The following SIPA1L2 variants were observed in gnomAD, a reference collection of about 807,000 sequenced individuals.
The protein encoded by SIPA1L2 is signal induced proliferation associated 1 like 2, also known as signal-induced proliferation-associated 1-like protein 2.
A neutral mutation model predicts 163.9 loss-of-function variants in SIPA1L2; 56 were observed. The observed-to-expected ratio is 0.34, with a 90% CI of 0.28 to 0.43. The LOEUF is 0.43. SIPA1L2 is among the 20% of genes least tolerant of loss of function. The probability of loss-of-function intolerance (pLI) is 1.00; values close to 1 mark genes in which losing one functional copy is unlikely to be tolerated. For missense variants in SIPA1L2, 1,974 were observed against 2,193.5 expected, an observed-to-expected ratio of 0.90 and a Z score of 2.00; for synonymous variants, 877 against 865.7, an observed-to-expected ratio of 1.01 and a Z score of -0.23.
intron 2 of SIPA1L2, among the ~76,000 whole-genome samples, chr1:232,521,838 T>C (rs1667472240): frequency 6.6e-6 from 1 of 152,222 alleles, no homozygotes; most frequent in Non-Finnish European, 1.5e-5. Flanking sequence ...CATTCCCTTG[T>C]GCCAACCTCA....
In SIPA1L2 at chr1:232,514,300, G is replaced by A. The variant is rs368216962; in HGVS notation, c.1040C>T (p.Thr347Met). ...ILFNINEAMATRANVGKRKNI... is the reference protein window; with the variant it reads ...ILFNINEAMAMRANVGKRKNI... ...TTTCCTTTTCCCCACATTAGCCCTCGTAGCCATGGCTTCGTTGATATTAAA... is the reference window on the plus strand; with the variant it reads ...TTTCCTTTTCCCCACATTAGCCCTCATAGCCATGGCTTCGTTGATATTAAA... Residue 347 changes from threonine (T) to methionine (M), a missense_variant, in exon 3 of 23, where the codon ACG becomes ATG. By Grantham distance (81) the Thr-to-Met change is moderately conservative (BLOSUM62 -1). This residue lies in a region of SIPA1L2 where 607 missense variants were observed against 624.0 expected (regional missense o/e 0.97). Coordinates refer to ENST00000674635, the MANE Select transcript of SIPA1L2 (RefSeq NM_020808.5). The A allele has an allele frequency of 2.7e-5, 43 of 1,613,580 alleles. No individual in the cohort carries two copies. The highest frequency in any genetic ancestry group is 3.3e-5 in the Non-Finnish European group (39 of 1,180,020).
intron 1 of SIPA1L2, among the ~76,000 whole-genome samples, chr1:232,624,261 T>C (rs1662962917): frequency 6.6e-6 from 1 of 152,212 alleles, no homozygotes; most frequent in African/African-American, 2.4e-5. Context: ...TTTAAACACC[T>C]GAAACAGGTA....
At chr1:232,490,814 A>G (rs1043975389) in intron 5 of SIPA1L2, 60 bp downstream of exon 5, 5 of 1,520,448 alleles carry the variant, frequency 3.3e-6, no homozygotes, top group Non-Finnish European at 4.4e-6. Context: ...GGAAAACTCC[A>G]AAACTTTCAG....
intron 8 of SIPA1L2, among the ~76,000 whole-genome samples, chr1:232,468,584 A>G (rs529825429): frequency 2.0e-5 from 3 of 152,344 alleles, no homozygotes; most frequent in Admixed American, 6.5e-5. Context: ...AGCTTTTATT[A>G]CCCAAATTGT....
chr1:232,629,583 G>C (rs543147106), intron 1 of SIPA1L2, among the ~76,000 whole-genome samples: 5 of 152,330 alleles, frequency 3.3e-5, no homozygotes, highest in Admixed American at 2.0e-4. Flanking sequence ...CAGTGCCTGT[G>C]TCGCCGAGAC....
chr1:232,481,357 G>T (rs574412160), intron 6 of SIPA1L2, among the ~76,000 whole-genome samples: 3 of 152,052 alleles, frequency 2.0e-5, no homozygotes, highest in Admixed American at 1.3e-4. Flanking sequence ...TATGTTCAAT[G>T]ACACCCATCA....
rs200500278 is a variant in SIPA1L2, at chr1:232,404,138, G to A, written c.4803C>T (p.His1601=). The A allele has an allele frequency of 1.8e-5, 29 of 1,614,032 alleles. No homozygotes were observed. The highest frequency in any genetic ancestry group is 2.7e-5 in the African/African-American group (2 of 74,904). Residue 1601 remains histidine (H), a synonymous_variant, in exon 20 of 23, where the codon CAC becomes CAT. Transcript: ENST00000674635. ...CCAGACAATCACCTAGATAGGACGT[G>A]TGGTGACAGAGCAGCCCCAGTTCTT... ...SDEELGLLCH[H]TSYLDQRVAS...
rs369362237 is a variant in SIPA1L2 at position 232,441,168 on chromosome 1, C to A, written c.3642+123G>T. The A allele has an allele frequency of 9.9e-5, 69 of 699,346 alleles. 5 individuals carry two copies. The highest frequency in any genetic ancestry group is 6.6e-4 in the Admixed American group (22 of 33,144). 43.3% of individuals were successfully genotyped at this position (699,346 alleles called of 1,614,324 possible). ...AAGATAGTTTCCTTTTTTAACCTCA[C>A]CTCTAAGAGCCCTGTGAGGTAATGT... On this transcript the variant is annotated intron_variant, in intron 14 of 22. Coordinates refer to ENST00000674635, the MANE Select transcript of SIPA1L2 (RefSeq NM_020808.5).
intron 1 of SIPA1L2, among the ~76,000 whole-genome samples, chr1:232,615,932 T>C (rs1662476591): frequency 6.6e-6 from 1 of 152,228 alleles, no homozygotes; most frequent in Non-Finnish European, 1.5e-5. Flanking sequence ...AATAAATAGC[T>C]GACGAATGAA....
chr1:232,454,334 T>TA, intron 10 of SIPA1L2, among the ~76,000 whole-genome samples: 1 of 152,166 alleles, frequency 6.6e-6, no homozygotes. Flanking sequence ...ATCTGGCACT[T>TA]ACTAATTCAT....
chr1:232,553,544 T>C (rs1658526352), intron 2 of SIPA1L2, among the ~76,000 whole-genome samples: 2 of 152,148 alleles, frequency 1.3e-5, no homozygotes, highest in Admixed American at 1.3e-4. Context: ...TCCATATCAC[T>C]ATGTGACACG....
At chr1:232,538,327 C>T (rs953603820) in intron 2 of SIPA1L2, among the ~76,000 whole-genome samples, 1 of 152,120 alleles carries the variant, frequency 6.6e-6, no homozygotes, top group African/African-American at 2.4e-5. Context: ...GGTCTCCTAA[C>T]CCTACAAACA....
chr1:232,612,498 G>T (rs754460853), intron 1 of SIPA1L2, among the ~76,000 whole-genome samples: 1 of 152,200 alleles, frequency 6.6e-6, no homozygotes, highest in Non-Finnish European at 1.5e-5. Flanking sequence ...CCCACCTCTT[G>T]CATCAGCATG....
At chr1:232,467,952 C>T (rs1664608953) in intron 8 of SIPA1L2, among the ~76,000 whole-genome samples, 1 of 152,196 alleles carries the variant, frequency 6.6e-6, no homozygotes, top group Non-Finnish European at 1.5e-5. Flanking sequence ...ACCCTAATAT[C>T]TAATTGCAGA....
intron 2 of SIPA1L2, among the ~76,000 whole-genome samples, chr1:232,522,170 C>G (rs2103062401): frequency 6.6e-6 from 1 of 152,250 alleles, no homozygotes; most frequent in Non-Finnish European, 1.5e-5. Context: ...TCATAGTTCT[C>G]CTAGATTATA....
At chr1:232,430,703 C>T (rs1209171542) in intron 16 of SIPA1L2, among the ~76,000 whole-genome samples, 1 of 152,202 alleles carries the variant, frequency 6.6e-6, no homozygotes, top group African/African-American at 2.4e-5. Flanking sequence ...TGACCAGGAG[C>T]CCTGGTCTCG....
Position 232,514,650 on chromosome 1 carries a change from G to A in SIPA1L2, c.690C>T (p.Phe230=). 6.2e-7 allele frequency: 1 copy of A among 1,614,168 alleles called. No individual in the cohort carries two copies. The change falls in exon 3 of 23, where the codon TTC becomes TTT. Residue 230 remains phenylalanine (F), a synonymous_variant. Coordinates refer to ENST00000674635, the MANE Select transcript of SIPA1L2 (RefSeq NM_020808.5). ...CAGGGTCACAGCGGAAAAATTCAGGGAACCCAAAAGGGACCATTGCTTTGT... is the reference window on the plus strand; with the variant it reads ...CAGGGTCACAGCGGAAAAATTCAGGAAACCCAAAAGGGACCATTGCTTTGT... ...YDHKAMVPFG[F]PEFFRCDPAI... is the part of the protein sequence containing the mutation.
At chr1:232,558,186 C>T (rs1025144110) in intron 2 of SIPA1L2, among the ~76,000 whole-genome samples, 2 of 152,174 alleles carry the variant, frequency 1.3e-5, no homozygotes, top group African/African-American at 2.4e-5. Flanking sequence ...CAAGAAGCCT[C>T]GAGGTAAGAT....
rs371253535 is a variant in SIPA1L2 at position 232,581,703 on chromosome 1, C to T, written c.-318-7481G>A. Among the ~76,000 whole-genome samples, 93 of 152,264 alleles carry T rather than the reference C, an allele frequency of 6.1e-4. No individual in the cohort carries two copies. The South Asian group carries it at 8.1e-3, about 13-fold the overall frequency. Reference sequence around the variant, plus strand: ...TTCCTTAATATGGCCCAAGTACCTTCGTAACTCAACTTCCCTACCTGACAG... The same window carrying T: ...TTCCTTAATATGGCCCAAGTACCTTTGTAACTCAACTTCCCTACCTGACAG... On this transcript the variant is annotated intron_variant, in intron 1 of 22. Coordinates refer to ENST00000674635, the MANE Select transcript of SIPA1L2 (RefSeq NM_020808.5).
Sources: allele counts gnomAD v4.1 joint callset (sites outside exome capture counted in the v4.1 genomes callset), GRCh38; gene constraint gnomAD v4.1.1; regional missense constraint gnomAD v4.1.1; transcripts MANE v1.5; gene names NCBI Gene and HGNC (gene_info 2026-07-23, HGNC 2026-07-21).